HIF3A: variants seen among roughly 807,000 people sequenced by gnomAD.
HIF3A encodes hypoxia inducible factor 3 subunit alpha, also known as hypoxia-inducible factor 3-alpha.
HIF3A carries 41 observed loss-of-function variants against 67.2 expected under a neutral mutation model. The observed-to-expected ratio is 0.61, with a 90% CI of 0.48 to 0.79. The LOEUF is 0.79. HIF3A is among the 30% of genes least tolerant of loss of function. The pLI, the probability that HIF3A is intolerant of heterozygous loss-of-function variation, is 0.00. For synonymous variants in HIF3A, 356 were observed against 374.8 expected (o/e 0.95, Z 0.58); for missense variants, 855 against 898.0 (o/e 0.95, Z 0.61).
At chr19:46,329,923 T>C (rs1971065735) in intron 12 of HIF3A, among the ~76,000 whole-genome samples, 1 of 136,016 alleles carries the variant, frequency 7.4e-6, no homozygotes, top group Non-Finnish European at 1.5e-5. Flanking sequence ...CTTGTGCCAC[T>C]GCACTCCAGC....
intron 8 of HIF3A, 176 bp downstream of exon 8, chr19:46,312,829 C>T (rs376920610): frequency 1.1e-4 from 137 of 1,280,880 alleles, no homozygotes; most frequent in South Asian, 1.3e-4. Context: ...ATGTAAATGC[C>T]GGTGTGTGTG....
At chr19:46,312,736 T>TGTGTGC (rs112043937) in intron 8 of HIF3A, 83 bp downstream of exon 8, 123 of 1,501,016 alleles carry the variant, frequency 8.2e-5, no homozygotes, top group African/African-American at 3.4e-4. Context: ...TGTGTGTGTG[T>TGTGTGC]GCGTATGAGC....
intron 4 of HIF3A, 82 bp from the exon 5 acceptor site, chr19:46,308,581 G>A: frequency 1.2e-6 from 1 of 803,346 alleles, no homozygotes; most frequent in Non-Finnish European, 2.0e-6. Flanking sequence ...AGCTGGGGAG[G>A]CCTGAGCAGC....
rs1352861656 is a variant in HIF3A at position 46,331,293 on chromosome 19, G to A, written c.1830+20G>A. The A allele has an allele frequency of 1.9e-6, 3 of 1,582,862 alleles. No individual in the cohort carries two copies. The highest frequency in any genetic ancestry group is 2.6e-6 in the Non-Finnish European group (3 of 1,152,038). On this transcript the variant is annotated intron_variant, in intron 13 of 14. Coordinates refer to ENST00000377670, the MANE Select transcript of HIF3A (RefSeq NM_152795.4). ...AGCCTGGTGTGTTGGGGGATTAATG[G>A]GATTCTCTGGCCCTCATTACCTAGC...
At chr19:46,338,551 G>A in intron 14 of HIF3A, 1 of 1,112,704 alleles carries the variant, frequency 9.0e-7, no homozygotes. Context: ...GTATGTGTGA[G>A]TATCCTGGTT....
At position 46,308,314 on chromosome 19, in the gene HIF3A, C is replaced by T. The variant is rs1003167782; in HGVS notation, c.448+9C>T. ...CCTGACCCCCCAGCAGAGTGAGTTC[C>T]CTGGAGGCCTCTGTCCCCACCATAC... On this transcript the variant is annotated intron_variant, in intron 4 of 14. Coordinates refer to ENST00000377670, the MANE Select transcript of HIF3A (RefSeq NM_152795.4). The T allele has an allele frequency of 2.5e-6, 4 of 1,581,064 alleles. No individual in the cohort carries two copies. Among genetic ancestry groups the T allele is most frequent in the Non-Finnish European group, 3.5e-6 (4 of 1,154,006 alleles).
intron 8 of HIF3A, chr19:46,320,058 C>T (rs570729987): frequency 7.1e-5 from 12 of 168,086 alleles, no homozygotes; most frequent in East Asian, 1.8e-4. Flanking sequence ...GGTGAAACCC[C>T]GTCTCTACTA....
intron 6 of HIF3A, chr19:46,310,509 CTG>C (rs1969334208): frequency 4.8e-6 from 2 of 416,482 alleles, no homozygotes; most frequent in Non-Finnish European, 9.7e-6. Flanking sequence ...CTTCCTTCTT[CTG>C]TCTTATCCCT....
At position 46,300,394 on chromosome 19, in the gene HIF3A, C is replaced by T. The variant is rs187942924; in HGVS notation, c.26+3292C>T. Among the ~76,000 whole-genome samples, 553 of 152,300 alleles carry T rather than the reference C, an allele frequency of 3.6e-3. 4 individuals are homozygous for T. Among genetic ancestry groups the T allele is most frequent in the African/African-American group, 0.013 (530 of 41,546 alleles). ...GTCTAACCTTGGCCGGGCGCGGTGGCTCATGCCTGTAATCCCAACATTTTG... is the reference window on the plus strand; with the variant it reads ...GTCTAACCTTGGCCGGGCGCGGTGGTTCATGCCTGTAATCCCAACATTTTG... On this transcript the variant is annotated intron_variant, in intron 1 of 14. Coordinates refer to ENST00000377670, the MANE Select transcript of HIF3A (RefSeq NM_152795.4).
chr19:46,333,504 C>T (rs1454753097), intron 13 of HIF3A, among the ~76,000 whole-genome samples: 1 of 152,114 alleles, frequency 6.6e-6, no homozygotes, highest in Non-Finnish European at 1.5e-5. Flanking sequence ...CTGCTGGTGT[C>T]TCCCATGAGC....
chr19:46,312,858 T>A lies in HIF3A; in HGVS notation c.1025+205T>A, dbSNP rs993369115. On this transcript the variant is annotated intron_variant, in intron 8 of 14. Transcript: ENST00000377670. ...GTGTGTGTCTGCATGGACACAGGTA[T>A]GTGTATGGGTGTGTAGACTGTTAAT... 9 of 1,243,562 alleles carry A rather than the reference T, an allele frequency of 7.2e-6. No individual in the cohort carries two copies. In the African/African-American group the frequency reaches 1.4e-4, roughly 20 times the overall value. The allele number at this position is 1,243,562 out of a possible 1,614,324, so 77.0% of individuals were successfully genotyped here.
intron 14 of HIF3A, among the ~76,000 whole-genome samples, chr19:46,336,294 A>C (rs760477146): frequency 1.3e-5 from 2 of 151,682 alleles, no homozygotes; most frequent in Non-Finnish European, 2.9e-5. Flanking sequence ...GGGTTTCACC[A>C]TGTTAGCCAG....
chr19:46,336,446 A>T (rs576596061), intron 14 of HIF3A, among the ~76,000 whole-genome samples: 3 of 152,024 alleles, frequency 2.0e-5, no homozygotes, highest in South Asian at 4.1e-4. Flanking sequence ...AGCTCACTGC[A>T]GCCTCTGTGT....
Position 46,304,094 on chromosome 19 carries a change from C to A in HIF3A, c.217+6C>A. ...GCACCGCCTCTGCGCCGCAGGTGAG[C>A]CCCGCCCGCGGGAATTCCCGTCTTG... is the stretch of plus-strand genomic sequence containing the variant. On this transcript the variant is annotated splice_donor_region_variant and intron_variant, in intron 2 of 14. Coordinates refer to ENST00000377670, the MANE Select transcript of HIF3A (RefSeq NM_152795.4). 1 of 1,552,788 alleles carries A rather than the reference C, an allele frequency of 6.4e-7. No individual in the cohort carries two copies. The highest frequency in any genetic ancestry group is 8.7e-7 in the Non-Finnish European group (1 of 1,150,522).
chr19:46,336,702 A>G (rs1971650930), intron 14 of HIF3A, among the ~76,000 whole-genome samples: 1 of 152,026 alleles, frequency 6.6e-6, no homozygotes. Flanking sequence ...CTCTAAACAA[A>G]CAGTCCAGGT....
At chr19:46,320,096 G>A (rs1451776832) in intron 8 of HIF3A, 3 of 204,162 alleles carry the variant, frequency 1.5e-5, no homozygotes, top group Non-Finnish European at 3.0e-5. Flanking sequence ...TGGGTATGGG[G>A]GCTTGCACCT....
chr19:46,323,586 CAT>C (rs561551936), intron 10 of HIF3A, among the ~76,000 whole-genome samples: 1 of 151,754 alleles, frequency 6.6e-6, no homozygotes, highest in East Asian at 1.9e-4. Flanking sequence ...TGCACAAAAT[CAT>C]ATATATATAT....
intron 2 of HIF3A, 85 bp from the exon 3 acceptor site, chr19:46,305,160 G>C (rs573682704): frequency 6.3e-7 from 1 of 1,590,334 alleles, no homozygotes; most frequent in African/African-American, 1.3e-5. Flanking sequence ...ATGAGGAAAG[G>C]CAGAGGGAGG....
At chr19:46,336,521 G>C (rs1971634168) in intron 14 of HIF3A, among the ~76,000 whole-genome samples, 3 of 152,066 alleles carry the variant, frequency 2.0e-5, no homozygotes, top group South Asian at 4.1e-4. Context: ...GTGGGCACCA[G>C]CACACTTGAC....
Sources: allele counts gnomAD v4.1 joint callset (sites outside exome capture counted in the v4.1 genomes callset), GRCh38; gene constraint gnomAD v4.1.1; transcripts MANE v1.5; gene names NCBI Gene and HGNC (gene_info 2026-07-23, HGNC 2026-07-21).